Variants in HS3ST2 observed in about 807,000 individuals in gnomAD.
HS3ST2 encodes the protein heparan sulfate-glucosamine 3-sulfotransferase 2.
A neutral mutation model predicts 26.3 loss-of-function variants in HS3ST2; 17 were observed. The ratio of observed to expected loss-of-function variants is 0.65; its 90% CI spans 0.44 to 0.97. The LOEUF (loss-of-function observed/expected upper bound fraction) is 0.97, where lower values mean the gene tolerates loss of function less well. HS3ST2 is among the 50% of genes least tolerant of loss of function. The probability of loss-of-function intolerance (pLI) is 0.00; values close to 1 mark genes in which losing one functional copy is unlikely to be tolerated. For missense variants in HS3ST2, 402 were observed against 501.2 expected (o/e 0.80, Z 1.89); for synonymous variants, 237 against 219.2 (o/e 1.08, Z -0.72).
intron 1 of HS3ST2, among the ~76,000 whole-genome samples, chr16:22,899,035 A>G (rs1190609990): frequency 6.6e-6 from 1 of 152,238 alleles, no homozygotes; most frequent in South Asian, 2.1e-4. Flanking sequence ...GAAGTGGGGC[A>G]GGCTTGCGGA....
At chr16:22,835,412 A>G (rs1459801547) in intron 1 of HS3ST2, among the ~76,000 whole-genome samples, 1 of 152,134 alleles carries the variant, frequency 6.6e-6, no homozygotes, top group Non-Finnish European at 1.5e-5. Context: ...AATTCTATCC[A>G]TGTTATGGCT....
chr16:22,840,122 G>C (rs1901330543), intron 1 of HS3ST2, among the ~76,000 whole-genome samples: 1 of 152,202 alleles, frequency 6.6e-6, no homozygotes, highest in South Asian at 2.1e-4. Context: ...TCTGACTTTT[G>C]GTTTTGATGG....
chr16:22,851,807 A>C (rs1294448556), intron 1 of HS3ST2, among the ~76,000 whole-genome samples: 3 of 152,210 alleles, frequency 2.0e-5, no homozygotes, highest in Non-Finnish European at 4.4e-5. Flanking sequence ...GGGGCAAGGT[A>C]TGCTTCCTCA....
At chr16:22,861,495 G>T (rs1901673743) in intron 1 of HS3ST2, among the ~76,000 whole-genome samples, 1 of 151,874 alleles carries the variant, frequency 6.6e-6, no homozygotes, top group Non-Finnish European at 1.5e-5. Context: ...ACCAGAAGCT[G>T]GAGGAGCCAC....
intron 1 of HS3ST2, among the ~76,000 whole-genome samples, chr16:22,824,992 T>C (rs544921388): frequency 1.4e-3 from 211 of 152,174 alleles, no homozygotes; most frequent in Non-Finnish European, 1.9e-3. Context: ...ACAGATCTTA[T>C]TGGAGAGAGA....
In HS3ST2 at chr16:22,876,002, G is replaced by T. The variant is rs12599148; in HGVS notation, c.486-38942G>T. On this transcript the variant is annotated intron_variant, in intron 1 of 1. Coordinates refer to ENST00000261374, the MANE Select transcript of HS3ST2 (RefSeq NM_006043.2). ...GTGTGTAGTAGGCTCTAACATCTAG[G>T]TTTGTGTAAGTACATTCTGTGACGT... is the stretch of plus-strand genomic sequence containing the variant. 3.6e-3 allele frequency among the ~76,000 whole-genome samples: 552 copies of T among 152,226 alleles called. 15 individuals carry two copies. Among genetic ancestry groups the T allele is most frequent in the East Asian group, 0.032 (163 of 5,174 alleles).
chr16:22,885,815 G>A (rs1422171756), intron 1 of HS3ST2, among the ~76,000 whole-genome samples: 1 of 152,112 alleles, frequency 6.6e-6, no homozygotes, highest in Non-Finnish European at 1.5e-5. Flanking sequence ...GGAAGACTGA[G>A]CAGAAGGTTC....
At chr16:22,875,993 A>G (rs567746604) in intron 1 of HS3ST2, among the ~76,000 whole-genome samples, 2 of 152,308 alleles carry the variant, frequency 1.3e-5, no homozygotes, top group South Asian at 4.1e-4. Context: ...AGTAGGCTCT[A>G]ACATCTAGGT....
chr16:22,904,966 TCA>T (rs1463898794), intron 1 of HS3ST2, among the ~76,000 whole-genome samples: 5 of 152,184 alleles, frequency 3.3e-5, no homozygotes, highest in African/African-American at 1.2e-4. Flanking sequence ...GCCACATGGC[TCA>T]GTGTGTGGGG....
At chr16:22,824,080 A>T (rs939784385) in intron 1 of HS3ST2, among the ~76,000 whole-genome samples, 1 of 152,252 alleles carries the variant, frequency 6.6e-6, no homozygotes, top group Non-Finnish European at 1.5e-5. Flanking sequence ...TCAGTGTCAC[A>T]AAAGTCAGAG....
At chr16:22,886,862 A>C (rs1801760687) in intron 1 of HS3ST2, among the ~76,000 whole-genome samples, 1 of 151,716 alleles carries the variant, frequency 6.6e-6, no homozygotes, top group Admixed American at 6.6e-5. Flanking sequence ...CTGGGCTCAA[A>C]CGGTCCTCCC....
chr16:22,855,654 A>G (rs529333422), intron 1 of HS3ST2, among the ~76,000 whole-genome samples: 106 of 150,636 alleles, frequency 7.0e-4, no homozygotes, highest in Non-Finnish European at 1.4e-3. Context: ...TATCAGGAAC[A>G]ATGCATCAGT....
intron 1 of HS3ST2, among the ~76,000 whole-genome samples, chr16:22,825,510 C>T (rs1210552005): frequency 6.6e-6 from 1 of 151,980 alleles, no homozygotes; most frequent in African/African-American, 2.4e-5. Flanking sequence ...ACAAGGAGAG[C>T]TATAGTAAGT....
intron 1 of HS3ST2, among the ~76,000 whole-genome samples, chr16:22,893,540 T>A (rs1457327865): frequency 1.1e-4 from 17 of 152,172 alleles, no homozygotes; most frequent in Non-Finnish European, 1.3e-4. Flanking sequence ...TTTTTTCTTT[T>A]GACCTATTTC....
At chr16:22,833,639 G>A (rs1901208088) in intron 1 of HS3ST2, among the ~76,000 whole-genome samples, 1 of 152,022 alleles carries the variant, frequency 6.6e-6, no homozygotes, top group Non-Finnish European at 1.5e-5. Context: ...TTTTTCCATG[G>A]TTATTGGTCT....
intron 1 of HS3ST2, chr16:22,833,564 T>C (rs2141179243): frequency 3.0e-6 from 1 of 334,104 alleles, no homozygotes. Flanking sequence ...TTGGGGAGTC[T>C]ACTACTCTAA....
At chr16:22,866,525 A>G (rs947981861) in intron 1 of HS3ST2, among the ~76,000 whole-genome samples, 1 of 152,068 alleles carries the variant, frequency 6.6e-6, no homozygotes, top group African/African-American at 2.4e-5. Context: ...ATCCCAGTAC[A>G]TTGGGAGGCT....
intron 1 of HS3ST2, among the ~76,000 whole-genome samples, chr16:22,906,883 G>A (rs1365693714): frequency 6.6e-6 from 1 of 152,198 alleles, no homozygotes; most frequent in Non-Finnish European, 1.5e-5. Flanking sequence ...TGGTATGCCA[G>A]GTATGATGTG....
At chr16:22,841,627 T>G (rs73543156) in intron 1 of HS3ST2, among the ~76,000 whole-genome samples, 3,238 of 152,336 alleles carry the variant, frequency 0.021, 121 homozygotes, top group African/African-American at 0.073. Flanking sequence ...TTGTCTAGTA[T>G]TTTAATTATA....
Sources: gnomAD v4.1 joint callset for allele counts (sites outside exome capture counted in the v4.1 genomes callset) on GRCh38, gnomAD v4.1.1 for gene constraint, MANE v1.5 for transcripts, NCBI Gene and HGNC (gene_info 2026-07-23, HGNC 2026-07-21) for gene names.